Variants in CCNF observed in about 807,000 individuals in gnomAD.
CCNF encodes cyclin-F.
Under a neutral mutation model 85.4 loss-of-function variants are expected in CCNF, and 30 were observed. The observed-to-expected ratio is 0.35, with a 90% CI of 0.26 to 0.48. The LOEUF is 0.48. Ranked by LOEUF, CCNF falls within the 20% of genes least tolerant of loss-of-function variation. The pLI is 0.99. For missense variants in CCNF, 919 were observed against 1,010.4 expected (o/e 0.91, Z 1.23); for synonymous variants, 439 against 425.1 (o/e 1.03, Z -0.40).
At position 2,449,913 on chromosome 16, in the gene CCNF, G is replaced by A. The variant is rs749786542; in HGVS notation, c.1485G>A (p.Lys495=). ...LIPCVLSLHK[K]CFHDDAPKDY... is the part of the protein sequence containing the mutation. ...CCTGCGTCTTGAGCCTCCATAAGAA[G>A]TGGTGAGTTTTGGCCGGGCGCAGAG... is the stretch of plus-strand genomic sequence containing the variant. Residue 495 remains lysine, a splice_region_variant and synonymous_variant, in exon 13 of 17, where the codon AAG becomes AAA. Transcript: ENST00000397066. The A allele has an allele frequency of 3.1e-6, 5 of 1,612,160 alleles. No individual in the cohort carries two copies. The highest frequency in any genetic ancestry group is 4.2e-6 in the Non-Finnish European group (5 of 1,178,514).
At chr16:2,448,526 C>T (rs142455439) in intron 10 of CCNF, among the ~76,000 whole-genome samples, 8 of 152,356 alleles carry the variant, frequency 5.3e-5, no homozygotes, top group African/African-American at 1.9e-4. Context: ...CCCACCTTAG[C>T]GTCCCAAGTA....
At position 2,431,122 on chromosome 16, in the gene CCNF, TC is replaced by T; in HGVS notation, c.17-6del. On this transcript the variant is annotated splice_region_variant and splice_polypyrimidine_tract_variant and intron_variant, in intron 1 of 16. Coordinates refer to ENST00000397066, the MANE Select transcript of CCNF (RefSeq NM_001761.3). ...TCTTATCAAGGCTTCTGTCTTTTTTTCCTTCAGTGGTCCACTGTAGGTGTGC... is the reference window on the plus strand; with the variant it reads ...TCTTATCAAGGCTTCTGTCTTTTTTTCTTCAGTGGTCCACTGTAGGTGTGC... 1 of 1,612,790 alleles carries T rather than the reference TC, an allele frequency of 6.2e-7. No homozygotes were observed. Among genetic ancestry groups the T allele is most frequent in the Non-Finnish European group, 8.5e-7 (1 of 1,179,430 alleles).
At chr16:2,448,822 G>T (rs775034470) in intron 10 of CCNF, 33 bp from the exon 11 acceptor site, 1 of 1,607,482 alleles carries the variant, frequency 6.2e-7, no homozygotes, top group African/African-American at 1.3e-5. Flanking sequence ...CAGGAAGTGG[G>T]CTCCACCCTG....
chr16:2,436,802 ACCAGGGGTCAGGCGGTGGTTC>A (rs1206811066), intron 4 of CCNF: 2 of 213,330 alleles, frequency 9.4e-6, no homozygotes, highest in African/African-American at 4.6e-5. Context: ...TGGACCCATT[ACCAGGGGTCAGGCGGTGGTTC>A]CCAGCTGGAG....
In CCNF at chr16:2,455,568, A is replaced by T. The variant is rs1475670095; in HGVS notation, c.1885+4A>T. On this transcript the variant is annotated splice_donor_region_variant and intron_variant, in intron 16 of 16. Transcript: ENST00000397066. ...GAGGGCGAGAAGGAGGGCGACGGTG[A>T]GTGTGGGGCCAGGGTGCACCAGAAG... 1 of 1,589,762 alleles carries T rather than the reference A, an allele frequency of 6.3e-7. No homozygotes were observed. The highest frequency in any genetic ancestry group is 8.6e-7 in the Non-Finnish European group (1 of 1,161,090).
rs1413501158 is a variant in CCNF, at chr16:2,434,111, GC to G, written c.278+1047del. Among the ~76,000 whole-genome samples, 7 of 151,866 alleles carry G rather than the reference GC, an allele frequency of 4.6e-5. No homozygotes were observed. The East Asian group carries it at 1.4e-3, about 29-fold the overall frequency. ...ACTTGAGGTCGGGAGTTCGAGACCA[GC>G]CCGGCCAACATGGCAAAACCCTGTC... On this transcript the variant is annotated intron_variant, in intron 3 of 16. Coordinates refer to ENST00000397066, the MANE Select transcript of CCNF (RefSeq NM_001761.3).
At chr16:2,449,696 A>G (rs2065382910) in intron 12 of CCNF, 132 bp from the exon 13 acceptor site, 1 of 747,330 alleles carries the variant, frequency 1.3e-6, no homozygotes, top group East Asian at 2.6e-5. Context: ...CTGAGCTCCA[A>G]GAAACTCCAC....
At chr16:2,450,842 C>T (rs1280903683) in intron 13 of CCNF, among the ~76,000 whole-genome samples, 7 of 152,228 alleles carry the variant, frequency 4.6e-5, no homozygotes, top group African/African-American at 1.2e-4. Flanking sequence ...GGCCCCCAGT[C>T]AGGAAAATAC....
chr16:2,439,900 TC>T, intron 8 of CCNF, 74 bp downstream of exon 8: 1 of 1,299,128 alleles, frequency 7.7e-7, no homozygotes, highest in Non-Finnish European at 1.1e-6. Flanking sequence ...CTATCTGGGC[TC>T]CCACATTGGG....
chr16:2,455,567 G>A lies in CCNF; in HGVS notation c.1885+3G>A. On this transcript the variant is annotated splice_donor_region_variant and intron_variant, in intron 16 of 16. Coordinates refer to ENST00000397066, the MANE Select transcript of CCNF (RefSeq NM_001761.3). ...TGAGGGCGAGAAGGAGGGCGACGGTGAGTGTGGGGCCAGGGTGCACCAGAA... is the reference window on the plus strand; with the variant it reads ...TGAGGGCGAGAAGGAGGGCGACGGTAAGTGTGGGGCCAGGGTGCACCAGAA... 1 of 1,591,972 alleles carries A rather than the reference G, an allele frequency of 6.3e-7. No individual in the cohort carries two copies. Among genetic ancestry groups the A allele is most frequent in the Non-Finnish European group, 8.6e-7 (1 of 1,162,654 alleles).
intron 16 of CCNF, 62 bp downstream of exon 16, chr16:2,455,626 GCCTCTGGGCACCCGGC>G: frequency 1.3e-6 from 2 of 1,524,206 alleles, no homozygotes; most frequent in Non-Finnish European, 1.8e-6. Flanking sequence ...CTCACCGAGG[GCCTCTGGGCACCCGGC>G]CCTGTGCGAG....
intron 10 of CCNF, among the ~76,000 whole-genome samples, chr16:2,447,212 C>A (rs1223531559): frequency 6.6e-6 from 1 of 152,132 alleles, no homozygotes; most frequent in Admixed American, 6.6e-5. Context: ...AACCACAAGA[C>A]CTGATTGCAG....
rs772080724 is a variant in CCNF, at chr16:2,438,075, C to T, written c.546C>T (p.His182=). 6.2e-7 allele frequency: 1 copy of T among 1,610,552 alleles called. No individual in the cohort carries two copies. Among genetic ancestry groups the T allele is most frequent in the South Asian group, 1.1e-5 (1 of 90,996 alleles). Residue 182 remains histidine (H), a synonymous_variant, in exon 6 of 17, where the codon CAC becomes CAT. Transcript: ENST00000397066. The part of the protein sequence containing the change: ...LRAECQLQRT[H]KASILHCLGR... ...TCTTTCTCCTTTTTTTAAAGACTCACAAAGCATCCATATTGCACTGCTTGG... is the reference window on the plus strand; with the variant it reads ...TCTTTCTCCTTTTTTTAAAGACTCATAAAGCATCCATATTGCACTGCTTGG...
In CCNF at chr16:2,453,137, C is replaced by A; in HGVS notation, c.1488-73C>A. ...TGCACCATTTTGCATTCTCATTGCT[C>A]ACTTCAGTGAACTGAAGCTAAAAAT... On this transcript the variant is annotated intron_variant, in intron 13 of 16. Transcript: ENST00000397066. The surrounding 1 kb of genome is among the most constrained non-coding windows in gnomAD (Gnocchi z 5.6). 1 of 1,272,426 alleles carries A rather than the reference C, an allele frequency of 7.9e-7. No individual in the cohort carries two copies. Among genetic ancestry groups the A allele is most frequent in the South Asian group, 1.2e-5 (1 of 83,716 alleles). 78.8% of individuals were successfully genotyped at this position (1,272,426 alleles called of 1,614,324 possible).
intron 12 of CCNF, 125 bp from the exon 13 acceptor site, chr16:2,449,703 C>G: frequency 1.3e-6 from 1 of 764,428 alleles, no homozygotes; most frequent in Non-Finnish European, 2.2e-6. Flanking sequence ...CCAAGAAACT[C>G]CACAGCAGAG....
At position 2,456,427 on chromosome 16, in the gene CCNF, A is replaced by G. The variant is rs2065427881; in HGVS notation, c.1886-118A>G. 3 of 655,642 alleles carry G rather than the reference A, an allele frequency of 4.6e-6. No homozygotes were observed. Among genetic ancestry groups the G allele is most frequent in the Non-Finnish European group, 4.9e-6 (2 of 406,304 alleles). The allele number at this position is 655,642 out of a possible 1,614,324, so 40.6% of individuals were successfully genotyped here. A position where few individuals can be genotyped will look rare whatever the true frequency, so the allele number is the denominator to read the frequency against. ...GCTTCTCACCACAGGAGGGTAACAC[A>G]GGGGACCGTAGCAAGGTAGAAGATT... On this transcript the variant is annotated intron_variant, in intron 16 of 16. Transcript: ENST00000397066. The surrounding 1 kb of genome is among the most constrained non-coding windows in gnomAD (Gnocchi z 4.5).
Position 2,431,228 on chromosome 16 carries a change from G to A in CCNF, c.115G>A (p.Val39Met). 1.2e-6 allele frequency: 2 copies of A among 1,614,146 alleles called. No homozygotes were observed. The highest frequency in any genetic ancestry group is 1.7e-6 in the Non-Finnish European group (2 of 1,180,018). ...GACCATCTTGAGTCTCCCCGAAGAT[G>A]TGCTCTTTCACATCCTGAAATGGCT... ...NLTILSLPED[V>M]LFHILKWLSV... The change falls in exon 2 of 17, where the codon GTG becomes ATG. Residue 39 changes from valine (V) to methionine (M), a missense_variant. By Grantham distance (21) the Val-to-Met change is conservative. This residue lies in a region of CCNF where 410 missense variants were observed against 478.6 expected (regional missense o/e 0.86). Coordinates refer to ENST00000397066, the MANE Select transcript of CCNF (RefSeq NM_001761.3).
intron 9 of CCNF, 102 bp from the exon 10 acceptor site, chr16:2,445,350 CAGAGCT>C: frequency 7.8e-7 from 1 of 1,288,932 alleles, no homozygotes; most frequent in Non-Finnish European, 1.1e-6. Context: ...CCCATGATTC[CAGAGCT>C]AGCCAGCTTA....
At chr16:2,444,477 T>C (rs1205295334) in intron 9 of CCNF, among the ~76,000 whole-genome samples, 1 of 150,814 alleles carries the variant, frequency 6.6e-6, no homozygotes, top group Non-Finnish European at 1.5e-5. Context: ...TTTTTTTGTA[T>C]TTTTAGTAGA....
Sources: allele counts gnomAD v4.1 joint callset (sites outside exome capture counted in the v4.1 genomes callset), GRCh38; gene constraint gnomAD v4.1.1; regional missense constraint gnomAD v4.1.1; non-coding constraint Gnocchi (gnomAD v3.1); transcripts MANE v1.5; gene names NCBI Gene and HGNC (gene_info 2026-07-23, HGNC 2026-07-21).